HK1: variants seen among roughly 807,000 people sequenced by gnomAD.
HK1 encodes the protein hexokinase 1.
HK1 carries 28 observed loss-of-function variants against 91.6 expected under a neutral mutation model. The observed-to-expected ratio is 0.31, with a 90% CI of 0.23 to 0.42. The LOEUF (loss-of-function observed/expected upper bound fraction) is 0.42. Ranked by LOEUF, HK1 falls within the 10% of genes least tolerant of loss-of-function variation. The pLI, the probability that HK1 is intolerant of heterozygous loss-of-function variation, is 1.00. For synonymous variants in HK1, 430 were observed against 468.1 expected, an observed-to-expected ratio of 0.92 and a Z score of 1.05; for missense variants, 770 against 1,219.8, an observed-to-expected ratio of 0.63 and a Z score of 5.49.
intron 9 of HK1, among the ~76,000 whole-genome samples, chr10:69,382,161 G>T (rs1427142290): frequency 6.6e-6 from 1 of 152,218 alleles, no homozygotes; most frequent in African/African-American, 2.4e-5. Flanking sequence ...AGCTGAGGCG[G>T]GTGGATAGCT....
intron 2 of HK1, among the ~76,000 whole-genome samples, chr10:69,284,808 T>G (rs1205829299): frequency 1.3e-5 from 2 of 151,952 alleles, no homozygotes; most frequent in Admixed American, 1.3e-4. Context: ...TCAGTAATTT[T>G]TTTAGTTTTT....
intron 1 of HK1, among the ~76,000 whole-genome samples, chr10:69,276,297 G>A (rs560823133): frequency 6.6e-6 from 1 of 151,544 alleles, no homozygotes; most frequent in African/African-American, 2.4e-5. Flanking sequence ...CTTGTAATGT[G>A]GATTTGTCAG....
intron 1 of HK1, among the ~76,000 whole-genome samples, chr10:69,331,868 G>T (rs1265373462): frequency 6.6e-6 from 1 of 150,512 alleles, no homozygotes; most frequent in Non-Finnish European, 1.5e-5. Flanking sequence ...ATGGAGCCAA[G>T]ACCTTGTCTC....
intron 13 of HK1, among the ~76,000 whole-genome samples, chr10:69,387,874 A>ATT (rs5785913): frequency 1.2e-3 from 173 of 145,696 alleles, no homozygotes; most frequent in African/African-American, 3.7e-3. Flanking sequence ...ACTGTTTTAA[A>ATT]TTTTTTTTTT....
upstream of HK1, among the ~76,000 whole-genome samples, chr10:69,313,912 T>A (rs1276033103): frequency 6.6e-6 from 1 of 152,190 alleles, no homozygotes; most frequent in African/African-American, 2.4e-5. Context: ...GGTTGCTGAT[T>A]TACTGACCCT....
At chr10:69,315,192 T>C (rs190793023), upstream of HK1, among the ~76,000 whole-genome samples, 31 of 152,326 alleles carry the variant, frequency 2.0e-4, no homozygotes, top group African/African-American at 6.7e-4. Flanking sequence ...AAATGAGAAA[T>C]TGCTCTGCAA....
rs181370641 is a variant in HK1, at chr10:69,272,773, T to C, written c.-391+2665T>C. On this transcript the variant is annotated intron_variant, in intron 1 of 21. Transcript: ENST00000360289. ...TTTTGTTTTAGTGCATGTGTTCTTT[T>C]TTTTTCTTTTTTTAAATTTATCTTG... Among the ~76,000 whole-genome samples, 127 of 152,090 alleles carry C rather than the reference T, an allele frequency of 8.4e-4. 3 individuals are homozygous for C. Among genetic ancestry groups the C allele is most frequent in the African/African-American group, 2.9e-3 (119 of 41,558 alleles).
intron 2 of HK1, 96 bp downstream of exon 2, chr10:69,344,085 A>G (rs1848429992): frequency 7.9e-7 from 1 of 1,263,270 alleles, no homozygotes; most frequent in Non-Finnish European, 1.2e-6. Flanking sequence ...TCATTCATTC[A>G]TTCACCATTC....
chr10:69,335,783 G>GC (rs1432611070), intron 1 of HK1, among the ~76,000 whole-genome samples: 2 of 152,196 alleles, frequency 1.3e-5, no homozygotes, highest in African/African-American at 4.8e-5. Flanking sequence ...AGACTGAGGT[G>GC]CCCACAGGAT....
intron 1 of HK1, among the ~76,000 whole-genome samples, chr10:69,277,969 G>C (rs541942120): frequency 3.9e-5 from 6 of 152,022 alleles, no homozygotes; most frequent in African/African-American, 1.2e-4. Flanking sequence ...GGAGGCGAAG[G>C]TTGCAGTGAG....
At chr10:69,319,170 C>T in intron 1 of HK1, 160 bp downstream of exon 1, 1 of 863,208 alleles carries the variant, frequency 1.2e-6, no homozygotes, top group Non-Finnish European at 1.9e-6. Context: ...TTCGATTCTA[C>T]CGGCATTGTC....
chr10:69,338,901 A>G (rs1230714889), intron 1 of HK1, among the ~76,000 whole-genome samples: 2 of 152,148 alleles, frequency 1.3e-5, no homozygotes, highest in Non-Finnish European at 2.9e-5. Context: ...CAAATCCCCA[A>G]AGACCAAGAG....
chr10:69,324,659 A>G (rs910471743), intron 1 of HK1, among the ~76,000 whole-genome samples: 3 of 152,238 alleles, frequency 2.0e-5, no homozygotes, highest in Admixed American at 1.3e-4. Flanking sequence ...GGCCCACAGC[A>G]TGGTGTGGTC....
intron 1 of HK1, among the ~76,000 whole-genome samples, chr10:69,322,517 C>T (rs1847097755): frequency 6.6e-6 from 1 of 152,108 alleles, no homozygotes; most frequent in South Asian, 2.1e-4. Flanking sequence ...GGAGAGTAGG[C>T]TTAGCAATTA....
At chr10:69,343,757 C>T (rs1156265395) in intron 1 of HK1, 70 bp from the exon 2 acceptor site, 10 of 1,205,552 alleles carry the variant, frequency 8.3e-6, no homozygotes, top group South Asian at 2.4e-5. Flanking sequence ...GCTATCTCAG[C>T]GGGTGGGTGC....
chr10:69,283,089 A>G (rs893120884), intron 2 of HK1, among the ~76,000 whole-genome samples: 19 of 139,092 alleles, frequency 1.4e-4, no homozygotes, highest in Non-Finnish European at 2.7e-4. Context: ...GCGCCACTGC[A>G]CTCCAGCCTG....
intron 5 of HK1, among the ~76,000 whole-genome samples, chr10:69,307,789 T>C (rs1452235790): frequency 6.6e-6 from 1 of 152,212 alleles, no homozygotes; most frequent in African/African-American, 2.4e-5. Context: ...GCCAAATGTA[T>C]TTAGCTTACA....
intron 8 of HK1, among the ~76,000 whole-genome samples, chr10:69,379,291 C>A (rs1839267784): frequency 6.6e-6 from 1 of 151,906 alleles, no homozygotes; most frequent in Non-Finnish European, 1.5e-5. Context: ...AGGAAAGCTG[C>A]AAAGATAGAG....
chr10:69,321,681 T>C (rs1208091025), intron 1 of HK1, among the ~76,000 whole-genome samples: 7 of 152,214 alleles, frequency 4.6e-5, no homozygotes. Context: ...CCAAACGTGA[T>C]CATGAAAATG....
Sources: gnomAD v4.1 joint callset for allele counts (sites outside exome capture counted in the v4.1 genomes callset) on GRCh38, gnomAD v4.1.1 for gene constraint, MANE v1.5 for transcripts, NCBI Gene and HGNC (gene_info 2026-07-23, HGNC 2026-07-21) for gene names.